Variants in EPB41L4B observed in about 807,000 individuals in gnomAD.
The protein encoded by EPB41L4B is band 4.1-like protein 4B.
A neutral mutation model predicts 112.5 loss-of-function variants in EPB41L4B; 30 were observed. The ratio of observed to expected loss-of-function variants is 0.27; its 90% CI spans 0.20 to 0.36. The LOEUF is 0.36. EPB41L4B is among the 10% of genes least tolerant of loss of function. The pLI is 1.00. For missense variants in EPB41L4B, 1,024 were observed against 1,133.3 expected (o/e 0.90, Z 1.38); for synonymous variants, 408 against 439.7 (o/e 0.93, Z 0.90).
chr9:109,271,929 A>G (rs1193445473), intron 2 of EPB41L4B, among the ~76,000 whole-genome samples: 1 of 152,230 alleles, frequency 6.6e-6, no homozygotes, highest in Admixed American at 6.5e-5. Flanking sequence ...GGCAAGGCCC[A>G]TCTGTTCCAA....
intron 15 of EPB41L4B, among the ~76,000 whole-genome samples, chr9:109,225,050 C>A (rs1833711970): frequency 6.6e-6 from 1 of 152,204 alleles, no homozygotes; most frequent in African/African-American, 2.4e-5. Flanking sequence ...CTCCTCAGAA[C>A]CCCCTGGCTA....
intron 15 of EPB41L4B, among the ~76,000 whole-genome samples, chr9:109,223,347 T>C (rs1391507300): frequency 2.0e-5 from 3 of 151,880 alleles, no homozygotes; most frequent in East Asian, 1.9e-4. Flanking sequence ...AGATGGAGAA[T>C]TGCTTGAGCC....
chr9:109,316,521 G>A (rs1163433372), intron 1 of EPB41L4B, among the ~76,000 whole-genome samples: 2 of 152,200 alleles, frequency 1.3e-5, no homozygotes, highest in Non-Finnish European at 1.5e-5. Context: ...CAGGCCGAGG[G>A]AGGGAGTCCT....
chr9:109,222,790 A>G (rs1195133174), intron 15 of EPB41L4B, among the ~76,000 whole-genome samples: 1 of 152,144 alleles, frequency 6.6e-6, no homozygotes, highest in Non-Finnish European at 1.5e-5. Flanking sequence ...AGGCACTTTA[A>G]TGGTTAATTT....
At chr9:109,285,220 C>T (rs1243663757) in intron 1 of EPB41L4B, among the ~76,000 whole-genome samples, 1 of 152,236 alleles carries the variant, frequency 6.6e-6, no homozygotes, top group Admixed American at 6.5e-5. Context: ...ACCATCACAG[C>T]TCTACTTACG....
At chr9:109,209,361 A>G (rs1833083324) in intron 17 of EPB41L4B, among the ~76,000 whole-genome samples, 1 of 147,746 alleles carries the variant, frequency 6.8e-6, no homozygotes, top group Non-Finnish European at 1.5e-5. Context: ...TGGACCATTA[A>G]AAAAAAAAAG....
At chr9:109,240,691 G>C (rs1261125912) in intron 15 of EPB41L4B, 1 of 985,244 alleles carries the variant, frequency 1.0e-6, no homozygotes, top group Non-Finnish European at 1.2e-6. Context: ...TCTACAGAAT[G>C]CTTTGGCACA....
chr9:109,185,041 A>G (rs1000827156), intron 23 of EPB41L4B, among the ~76,000 whole-genome samples: 4 of 152,242 alleles, frequency 2.6e-5, no homozygotes, highest in African/African-American at 9.6e-5. Context: ...ATGACAAAAA[A>G]TCATGCTAAA....
intron 1 of EPB41L4B, among the ~76,000 whole-genome samples, chr9:109,318,103 A>G (rs972996048): frequency 7.2e-5 from 11 of 152,150 alleles, no homozygotes; most frequent in African/African-American, 2.4e-4. Flanking sequence ...CTCACGTGAC[A>G]CAAGCCAGCA....
At position 109,213,684 on chromosome 9, in the gene EPB41L4B, C is replaced by G; in HGVS notation, c.1752+16G>C. 1 of 1,606,222 alleles carries G rather than the reference C, an allele frequency of 6.2e-7. No individual in the cohort carries two copies. The highest frequency in any genetic ancestry group is 8.5e-7 in the Non-Finnish European group (1 of 1,173,390). On this transcript the variant is annotated intron_variant, in intron 17 of 25. Transcript: ENST00000374566. The stretch of plus-strand genomic sequence containing the variant: ...CACCAAGTCCATGGTCATGGCAGAG[C>G]CCCGGCCCTTGGCACCTTGTTTATG...
intron 23 of EPB41L4B, 86 bp downstream of exon 23, chr9:109,185,403 C>A (rs113174502): frequency 8.7e-7 from 1 of 1,152,206 alleles, no homozygotes; most frequent in South Asian, 1.3e-5. Context: ...GGCTTCTGCA[C>A]GCCCACCCAG....
Position 109,299,275 on chromosome 9 carries a change from T to A in EPB41L4B, c.307-19354A>T, listed in dbSNP as rs547113525. ...TAAGAACCTTGTATGGCTCTCTAGA[T>A]TTTTTTGTTTGTTTCTTTAAGACAA... is the stretch of plus-strand genomic sequence containing the variant. On this transcript the variant is annotated intron_variant, in intron 1 of 25. Coordinates refer to ENST00000374566, the MANE Select transcript of EPB41L4B (RefSeq NM_019114.5). Among the ~76,000 whole-genome samples, 4 of 152,266 alleles carry A rather than the reference T, an allele frequency of 2.6e-5. No homozygotes were observed. The South Asian group carries it at 8.3e-4, about 32-fold the overall frequency.
At chr9:109,214,621 A>C (rs1437955743) in intron 16 of EPB41L4B, among the ~76,000 whole-genome samples, 2 of 152,198 alleles carry the variant, frequency 1.3e-5, no homozygotes, top group African/African-American at 4.8e-5. Flanking sequence ...CAAGGTGGGG[A>C]AAAGTATTCC....
intron 1 of EPB41L4B, among the ~76,000 whole-genome samples, chr9:109,291,570 A>G (rs1376282283): frequency 6.6e-6 from 1 of 152,238 alleles, no homozygotes; most frequent in Non-Finnish European, 1.5e-5. Flanking sequence ...GGTAAAACAG[A>G]GCACATGTTA....
intron 16 of EPB41L4B, among the ~76,000 whole-genome samples, chr9:109,215,036 T>G (rs1833312329): frequency 6.6e-6 from 1 of 152,136 alleles, no homozygotes; most frequent in Admixed American, 6.5e-5. Flanking sequence ...CAAGTGGGTG[T>G]CGAGTTTCCA....
At chr9:109,236,886 C>T (rs1305364299) in intron 15 of EPB41L4B, among the ~76,000 whole-genome samples, 1 of 152,192 alleles carries the variant, frequency 6.6e-6, no homozygotes. Flanking sequence ...GGAAGCAAAT[C>T]ATCCTAGACC....
chr9:109,320,025 G>A, intron 1 of EPB41L4B, 116 bp downstream of exon 1: 1 of 815,912 alleles, frequency 1.2e-6, no homozygotes, highest in Non-Finnish European at 1.7e-6. Flanking sequence ...AAGAGGATGG[G>A]GGAGGGGATC....
intron 15 of EPB41L4B, among the ~76,000 whole-genome samples, chr9:109,235,463 T>C (rs560030305): frequency 6.6e-6 from 1 of 150,814 alleles, no homozygotes; most frequent in Non-Finnish European, 1.5e-5. Context: ...TGGCGTGATC[T>C]TGGCTCACTG....
At chr9:109,303,117 G>A (rs1435469607) in intron 1 of EPB41L4B, among the ~76,000 whole-genome samples, 3 of 150,976 alleles carry the variant, frequency 2.0e-5, no homozygotes, top group African/African-American at 7.3e-5. Context: ...AGAAAAAAAG[G>A]GGTAAAAAAA....
Sources: allele counts gnomAD v4.1 joint callset (sites outside exome capture counted in the v4.1 genomes callset), GRCh38; gene constraint gnomAD v4.1.1; transcripts MANE v1.5; gene names NCBI Gene and HGNC (gene_info 2026-07-23, HGNC 2026-07-21).